The following TMEM182 variants were observed in gnomAD, a reference collection of about 807,000 sequenced individuals.
TMEM182 encodes the protein transmembrane protein 182.
Under a neutral mutation model 26.8 loss-of-function variants are expected in TMEM182, and 20 were observed. That is an observed-to-expected ratio of 0.75 (90% CI 0.53 to 1.09). The LOEUF is 1.09. Ranked by LOEUF, TMEM182 falls within the 50% of genes least tolerant of loss-of-function variation. The pLI is 0.00. For missense variants in TMEM182, 277 were observed against 275.5 expected (o/e 1.01, Z -0.04); for synonymous variants, 109 against 102.2 (o/e 1.07, Z -0.40).
chr2:102,824,448 T>C (rs1682991985), intron 3 of TMEM182, among the ~76,000 whole-genome samples: 1 of 152,142 alleles, frequency 6.6e-6, no homozygotes, highest in African/African-American at 2.4e-5. Flanking sequence ...GTTCTCATGA[T>C]AGTGAGTTCT....
At chr2:102,814,387 C>T (rs1341861519) in intron 4 of TMEM182, among the ~76,000 whole-genome samples, 1 of 151,910 alleles carries the variant, frequency 6.6e-6, no homozygotes, top group Non-Finnish European at 1.5e-5. Flanking sequence ...TAGTGCTCAT[C>T]CCAAACCATT....
intron 3 of TMEM182, among the ~76,000 whole-genome samples, chr2:102,834,183 T>C (rs1683199467): frequency 6.6e-6 from 1 of 152,162 alleles, no homozygotes; most frequent in African/African-American, 2.4e-5. Context: ...TCTAAATATA[T>C]CTCTGGCAAT....
rs774047240 is a variant in TMEM182 at position 102,774,250 on chromosome 2, C to CTTTTTTTT, written c.331+9838_331+9845dup. On this transcript the variant is annotated intron_variant, in intron 3 of 4. Transcript: ENST00000412401. ...GATGTTTTTTACACTTTCTTTCTTT[C>CTTTTTTTT]TTTTTTTTTTTTTTTTTTTTTTGGT... Among the ~76,000 whole-genome samples, 388 of 95,996 alleles carry CTTTTTTTT rather than the reference C, an allele frequency of 4.0e-3. 1 individual carries two copies. The highest frequency in any genetic ancestry group is 6.9e-3 in the East Asian group (22 of 3,174). 63.0% of individuals were successfully genotyped at this position (95,996 alleles called of 152,430 possible). A position where few individuals can be genotyped will look rare whatever the true frequency, so the allele number is the denominator to read the frequency against.
intron 4 of TMEM182, among the ~76,000 whole-genome samples, chr2:102,799,391 C>T (rs1682015585): frequency 6.6e-6 from 1 of 152,010 alleles, no homozygotes; most frequent in African/African-American, 2.4e-5. Flanking sequence ...TTTGTAGGGG[C>T]CAAGAGGAAC....
chr2:102,737,503 T>C (rs1679389556), intron 1 of TMEM182, among the ~76,000 whole-genome samples: 1 of 152,126 alleles, frequency 6.6e-6, no homozygotes, highest in Admixed American at 6.5e-5. Flanking sequence ...AGAAGCACGG[T>C]CTTGATGTGG....
At position 102,814,794 on chromosome 2, in the gene TMEM182, G is replaced by C. The variant is rs189839305; in HGVS notation, c.516G>C (p.Gln172His). ...LVVMLYVIWV[Q>H]AVADMESYRN... The stretch of plus-strand genomic sequence containing the variant: ...TGATGCTGTATGTCATCTGGGTCCA[G>C]GCAGTGGCTGACATGGAAAGCTACC... Residue 172 changes from glutamine to histidine, a missense_variant, in exon 5 of 5, where the codon CAG (glutamine) becomes CAC (histidine). Coordinates refer to ENST00000412401, the MANE Select transcript of TMEM182 (RefSeq NM_144632.5). The C allele has an allele frequency of 1.7e-4, 273 of 1,613,838 alleles. 1 individual carries two copies. The highest frequency in any genetic ancestry group is 1.8e-4 in the Non-Finnish European group (210 of 1,179,942).
chr2:102,815,372 G>A lies in TMEM182; in HGVS notation c.*404G>A, dbSNP rs574134813. On this transcript the variant is annotated 3_prime_UTR_variant, in exon 5 of 5. Transcript: ENST00000412401. ...AATCCTTGAAGAATAATTAAGAATG[G>A]GCAAGGTTGTCAGAGAATTTATTTT... 534 of 997,318 alleles carry A rather than the reference G, an allele frequency of 5.4e-4. 1 individual carries two copies. The highest frequency in any genetic ancestry group is 5.8e-4 in the Non-Finnish European group (484 of 837,978). 61.8% of individuals were successfully genotyped at this position (997,318 alleles called of 1,614,324 possible). A position where few individuals can be genotyped will look rare whatever the true frequency, so the allele number is the denominator to read the frequency against.
chr2:102,793,845 T>C (rs1362972749), intron 3 of TMEM182, among the ~76,000 whole-genome samples: 3 of 152,166 alleles, frequency 2.0e-5, no homozygotes, highest in Admixed American at 2.0e-4. Flanking sequence ...AGGGAAAGAA[T>C]ACATGTTCCT....
chr2:102,752,269 G>A (rs1259712603), intron 1 of TMEM182, among the ~76,000 whole-genome samples: 2 of 152,224 alleles, frequency 1.3e-5, no homozygotes, highest in African/African-American at 4.8e-5. Context: ...ACTTAGAACA[G>A]AGCTGGAGAC....
At chr2:102,785,897 A>G (rs1457899580) in intron 3 of TMEM182, among the ~76,000 whole-genome samples, 2 of 152,222 alleles carry the variant, frequency 1.3e-5, no homozygotes, top group Non-Finnish European at 2.9e-5. Context: ...AGCCTTTGCT[A>G]TAATTATTTT....
At chr2:102,787,320 G>C (rs1055946650) in intron 3 of TMEM182, among the ~76,000 whole-genome samples, 1 of 152,196 alleles carries the variant, frequency 6.6e-6, no homozygotes, top group Admixed American at 6.5e-5. Flanking sequence ...TTTGAGCAGG[G>C]CTCTCTTCAG....
intron 3 of TMEM182, among the ~76,000 whole-genome samples, chr2:102,830,323 G>A (rs1207134242): frequency 1.3e-5 from 2 of 152,158 alleles, no homozygotes; most frequent in Admixed American, 6.5e-5. Context: ...TGAATTGCTG[G>A]CATCAGGCAT....
intron 3 of TMEM182, among the ~76,000 whole-genome samples, chr2:102,828,308 A>G (rs776873223): frequency 6.6e-6 from 1 of 152,192 alleles, no homozygotes; most frequent in Non-Finnish European, 1.5e-5. Flanking sequence ...GCAAACTGAT[A>G]GAATTGCTAG....
chr2:102,741,352 A>G (rs1679539576), intron 1 of TMEM182, among the ~76,000 whole-genome samples: 1 of 152,198 alleles, frequency 6.6e-6, no homozygotes, highest in Non-Finnish European at 1.5e-5. Flanking sequence ...TACGTACAGA[A>G]GATCCACCAG....
At chr2:102,811,058 C>CAA (rs10629082) in intron 4 of TMEM182, among the ~76,000 whole-genome samples, 47,427 of 94,276 alleles carry the variant, frequency 0.5, 13,814 homozygotes, top group Middle Eastern at 0.57. Context: ...TCCTCTATAG[C>CAA]AAAAAAAAAA....
intron 1 of TMEM182, among the ~76,000 whole-genome samples, chr2:102,752,013 T>C (rs975151399): frequency 2.6e-5 from 4 of 152,152 alleles, no homozygotes; most frequent in African/African-American, 7.2e-5. Context: ...GCCCACCCTT[T>C]TGATCTCATT....
At chr2:102,763,818 C>T (rs1205958503) in intron 2 of TMEM182, among the ~76,000 whole-genome samples, 1 of 152,028 alleles carries the variant, frequency 6.6e-6, no homozygotes, top group Non-Finnish European at 1.5e-5. Flanking sequence ...CATAAAAGTG[C>T]CTTCTTGTGA....
rs910945501 is a variant in TMEM182 at position 102,816,553 on chromosome 2, C to G, written c.*1585C>G. The stretch of plus-strand genomic sequence containing the variant: ...TAATAATAATAATAATAATAAAGCT[C>G]CAGAGGCCTAACTGGTTTCTCAAGT... On this transcript the variant is annotated 3_prime_UTR_variant, in exon 5 of 5. Transcript: ENST00000412401. The G allele has an allele frequency of 1.1e-6, 1 of 880,120 alleles. No homozygotes were observed. Among genetic ancestry groups the G allele is most frequent in the Non-Finnish European group, 1.3e-6 (1 of 742,002 alleles). The allele number at this position is 880,120 out of a possible 1,614,324, so 54.5% of individuals were successfully genotyped here. A position where few individuals can be genotyped will look rare whatever the true frequency, so the allele number is the denominator to read the frequency against.
At chr2:102,791,183 G>A (rs892360835) in intron 3 of TMEM182, among the ~76,000 whole-genome samples, 19 of 152,120 alleles carry the variant, frequency 1.2e-4, no homozygotes, top group Admixed American at 1.0e-3. Flanking sequence ...TGATCTGCCT[G>A]CCTCGGCCTC....
Sources: gnomAD v4.1 joint callset for allele counts (sites outside exome capture counted in the v4.1 genomes callset) on GRCh38, gnomAD v4.1.1 for gene constraint, MANE v1.5 for transcripts, NCBI Gene and HGNC (gene_info 2026-07-23, HGNC 2026-07-21) for gene names.